Variants in XK observed in about 807,000 individuals in gnomAD.
XK encodes endoplasmic reticulum membrane adapter protein XK.
A neutral mutation model predicts 14.0 loss-of-function variants in XK; 2 were observed. That is an observed-to-expected ratio of 0.14 (90% confidence interval 0.06 to 0.45). The LOEUF (loss-of-function observed/expected upper bound fraction) is 0.45. Among genes scored for constraint, XK ranks in the 20% least tolerant of loss-of-function variants. The pLI, the probability that XK is intolerant of heterozygous loss-of-function variation, is 0.98. For missense variants in XK, 235 were observed against 341.5 expected, an observed-to-expected ratio of 0.69 and a Z score of 2.46; for synonymous variants, 149 against 147.5, an observed-to-expected ratio of 1.01 and a Z score of -0.08.
At chrX:37,702,800 A>G (rs1556444137) in intron 2 of XK, among the ~76,000 whole-genome samples, 1 of 112,767 alleles carries the variant, frequency 8.9e-6, no homozygotes, top group Non-Finnish European at 1.9e-5. Flanking sequence ...AGAACAATCA[A>G]TCTCATTTAA....
chrX:37,717,752 G>A (rs1927791525), intron 2 of XK, among the ~76,000 whole-genome samples: 1 of 111,795 alleles, frequency 8.9e-6, no homozygotes, highest in Admixed American at 9.4e-5. Context: ...TAAACATCTG[G>A]TAAACTGGCA....
intron 1 of XK, among the ~76,000 whole-genome samples, chrX:37,692,655 C>G (rs781926974): frequency 1.5e-4 from 17 of 112,207 alleles, no homozygotes; most frequent in Non-Finnish European, 2.8e-4. Flanking sequence ...CCTGCCTCAG[C>G]CTCCCAAAGT....
chrX:37,710,114 A>G (rs782703554), intron 2 of XK, among the ~76,000 whole-genome samples: 14 of 112,632 alleles, frequency 1.2e-4, no homozygotes, highest in African/African-American at 3.5e-4. Flanking sequence ...CCATGGATGC[A>G]CTTAGATCTC....
Position 37,728,619 on chromosome X carries a change from C to A in XK, c.*157C>A. ...TTATAGAGCTCTTGGGTATGTAGAA[C>A]TGTATGGGAAGAAGCCAGGAAAACC... On this transcript the variant is annotated 3_prime_UTR_variant, in exon 3 of 3. Transcript: ENST00000378616. The A allele has an allele frequency of 1.7e-6, 1 of 572,500 alleles. No homozygotes were observed. Among genetic ancestry groups the A allele is most frequent in the Non-Finnish European group, 2.8e-6 (1 of 355,580 alleles). 47.2% of individuals were successfully genotyped at this position (572,500 alleles called of 1,213,427 possible). A position where few individuals can be genotyped will look rare whatever the true frequency, so the allele number is the denominator to read the frequency against.
rs1010859453 is a variant in XK, at chrX:37,730,570, C to T, written c.*2108C>T. 1.2e-4 allele frequency: 13 copies of T among 112,410 alleles called. No homozygotes were observed. Among genetic ancestry groups the T allele is most frequent in the African/African-American group, 4.2e-4 (13 of 30,943 alleles). The allele number at this position is 112,410 out of a possible 1,213,427, so 9.3% of individuals were successfully genotyped here. On this transcript the variant is annotated 3_prime_UTR_variant, in exon 3 of 3. Transcript: ENST00000378616. ...TCAAGCTTTTTGTGAGAAAGAGATTCTTGCCTTGAGGCTCTGCAGTGGCAA... is the reference window on the plus strand; with the variant it reads ...TCAAGCTTTTTGTGAGAAAGAGATTTTTGCCTTGAGGCTCTGCAGTGGCAA...
intron 2 of XK, among the ~76,000 whole-genome samples, chrX:37,726,245 C>A (rs1927970216): frequency 1.8e-5 from 2 of 111,428 alleles, no homozygotes; most frequent in Admixed American, 9.6e-5. Context: ...TGGGAAATCT[C>A]TGTACCTTCT....
At chrX:37,693,748 G>A (rs1256203319) in intron 1 of XK, among the ~76,000 whole-genome samples, 1 of 111,877 alleles carries the variant, frequency 8.9e-6, no homozygotes, top group Non-Finnish European at 1.9e-5. Context: ...GGATTTCCGA[G>A]CCATAGCTTC....
chrX:37,709,835 C>T (rs1477248507), intron 2 of XK, among the ~76,000 whole-genome samples: 1 of 111,478 alleles, frequency 9.0e-6, no homozygotes, highest in East Asian at 2.8e-4. Flanking sequence ...ATTACACACT[C>T]GTACAATCAG....
intron 2 of XK, among the ~76,000 whole-genome samples, chrX:37,710,190 G>C (rs967825277): frequency 8.9e-6 from 1 of 111,884 alleles, no homozygotes; most frequent in Non-Finnish European, 1.9e-5. Flanking sequence ...TAACTTAATG[G>C]CTTTAAGTGA....
rs1283655852 is a variant in XK, at chrX:37,689,889, C to A, written c.245+3683C>A. 2.7e-5 allele frequency among the ~76,000 whole-genome samples: 3 copies of A among 111,923 alleles called. No homozygotes were observed. The East Asian group carries it at 8.3e-4, about 31-fold the overall frequency. ...CATTTTAAAAATTCTGTTTATCATT[C>A]TTTTACATTTATGCTAATTTTTATA... On this transcript the variant is annotated intron_variant, in intron 1 of 2. Coordinates refer to ENST00000378616, the MANE Select transcript of XK (RefSeq NM_021083.4).
intron 2 of XK, among the ~76,000 whole-genome samples, chrX:37,698,867 T>C (rs1387540020): frequency 8.9e-6 from 1 of 111,993 alleles, no homozygotes; most frequent in Non-Finnish European, 1.9e-5. Context: ...TAACCGAGTC[T>C]GGGAAATGAG....
intron 2 of XK, among the ~76,000 whole-genome samples, chrX:37,713,341 A>G (rs1014752011): frequency 8.9e-6 from 1 of 111,739 alleles, no homozygotes; most frequent in African/African-American, 3.3e-5. Context: ...TCCAAGAGAC[A>G]TGAAGGAGAA....
intron 1 of XK, among the ~76,000 whole-genome samples, chrX:37,690,544 A>T (rs1237139459): frequency 2.7e-5 from 3 of 112,103 alleles, no homozygotes; most frequent in Non-Finnish European, 3.8e-5. Flanking sequence ...GGGATAAAGT[A>T]AAAAATAAGG....
intron 2 of XK, among the ~76,000 whole-genome samples, chrX:37,715,024 G>GTATA (rs782247090): frequency 4.1e-4 from 44 of 107,046 alleles, no homozygotes; most frequent in African/African-American, 1.5e-3. Context: ...TATAGTGTGT[G>GTATA]TATATATATA....
intron 2 of XK, among the ~76,000 whole-genome samples, chrX:37,710,229 G>A (rs1354641322): frequency 2.7e-5 from 3 of 111,700 alleles, no homozygotes; most frequent in Non-Finnish European, 5.6e-5. Flanking sequence ...CACAAAATTT[G>A]TAGAGAGAGG....
chrX:37,719,786 C>A (rs1471197022), intron 2 of XK, among the ~76,000 whole-genome samples: 2 of 110,135 alleles, frequency 1.8e-5, no homozygotes, highest in Admixed American at 1.9e-4. Flanking sequence ...TTTTTATTAT[C>A]TATTATTATT....
Position 37,686,197 on chromosome X carries a change from C to T in XK, c.236C>T (p.Pro79Leu). 8.3e-7 allele frequency: 1 copy of T among 1,207,945 alleles called. No homozygotes were observed. The highest frequency in any genetic ancestry group is 1.1e-6 in the Non-Finnish European group (1 of 894,657). Residue 79 changes from proline to leucine, a missense_variant, in exon 1 of 3, where the codon CCC becomes CTC. Physicochemically the swap from Pro to Leu is moderately conservative, Grantham distance 98. Coordinates refer to ENST00000378616, the MANE Select transcript of XK (RefSeq NM_021083.4). Reference sequence around the variant, plus strand: ...CTGCTGCACCTGCTGCAACTTGGGCCCCTTTTCAGGTGCGTGCAGAAGCCC... The same window carrying T: ...CTGCTGCACCTGCTGCAACTTGGGCTCCTTTTCAGGTGCGTGCAGAAGCCC... ...VLLLHLLQLGPLFRCFEVFCI... is the reference protein window; with the variant it reads ...VLLLHLLQLGLLFRCFEVFCI...
intron 1 of XK, among the ~76,000 whole-genome samples, chrX:37,687,241 TGAG>T (rs1556440489): frequency 2.0e-5 from 2 of 102,304 alleles, no homozygotes; most frequent in African/African-American, 7.3e-5. Flanking sequence ...ACACACACAT[TGAG>T]GAGCAAGATA....
chrX:37,709,048 G>A (rs1466112196), intron 2 of XK, among the ~76,000 whole-genome samples: 3 of 112,104 alleles, frequency 2.7e-5, no homozygotes, highest in Non-Finnish European at 5.6e-5. Flanking sequence ...TAGCAGCCTA[G>A]CCAATCTCAT....
Sources: gnomAD v4.1 joint callset for allele counts (sites outside exome capture counted in the v4.1 genomes callset) on GRCh38, gnomAD v4.1.1 for gene constraint, MANE v1.5 for transcripts, NCBI Gene and HGNC (gene_info 2026-07-23, HGNC 2026-07-21) for gene names.